SLC5A1: variants seen among roughly 807,000 people sequenced by gnomAD.
SLC5A1 encodes the protein solute carrier family 5 member 1, also known as sodium/glucose cotransporter 1.
In SLC5A1, 42 loss-of-function variants were observed where a neutral mutation model predicts 73.5. The ratio of observed to expected loss-of-function variants is 0.57; its 90% CI spans 0.45 to 0.74. SLC5A1 has a LOEUF of 0.74. SLC5A1 is among the 30% of genes least tolerant of loss of function. The pLI is 0.00. For missense variants in SLC5A1, 634 were observed against 855.4 expected (o/e 0.74, Z 3.23); for synonymous variants, 300 against 317.4 (o/e 0.95, Z 0.58).
At chr22:32,045,217 CCAGA>C (rs2093935622) in intron 1 of SLC5A1, among the ~76,000 whole-genome samples, 1 of 152,180 alleles carries the variant, frequency 6.6e-6, no homozygotes, top group Admixed American at 6.5e-5. Flanking sequence ...TGCCTGTTTC[CCAGA>C]CAATCTCTGA....
chr22:32,051,047 A>G (rs761286244), intron 2 of SLC5A1, among the ~76,000 whole-genome samples: 1 of 152,180 alleles, frequency 6.6e-6, no homozygotes, highest in Non-Finnish European at 1.5e-5. Flanking sequence ...CACTCTTTGG[A>G]TATTGGCAGC....
rs1299109861 is a variant in SLC5A1 at position 32,099,902 on chromosome 22, T to C, written c.1449+551T>C. On this transcript the variant is annotated intron_variant, in intron 12 of 14. Coordinates refer to ENST00000266088, the MANE Select transcript of SLC5A1 (RefSeq NM_000343.4). Reference sequence around the variant, plus strand: ...AAAGTCCTGGTGCACAAGCAGTTTATACATAAAACAAAGTGCGTAAGAAGT... The same window carrying C: ...AAAGTCCTGGTGCACAAGCAGTTTACACATAAAACAAAGTGCGTAAGAAGT... Among the ~76,000 whole-genome samples the C allele has an allele frequency of 2.0e-5, 3 of 152,208 alleles. No individual in the cohort carries two copies. The East Asian group carries it at 5.8e-4, about 29-fold the overall frequency.
chr22:32,047,600 T>C (rs1220089598), intron 1 of SLC5A1, among the ~76,000 whole-genome samples: 3 of 152,188 alleles, frequency 2.0e-5, no homozygotes, highest in Non-Finnish European at 4.4e-5. Flanking sequence ...ACCCAAGCCA[T>C]GCTCTCCCGG....
chr22:32,048,600 G>A (rs998297255), intron 1 of SLC5A1, among the ~76,000 whole-genome samples: 1 of 152,144 alleles, frequency 6.6e-6, no homozygotes, highest in African/African-American at 2.4e-5. Flanking sequence ...TCCACGCTGG[G>A]TGAGGTTCCA....
chr22:32,087,822 G>C (rs369244733), intron 10 of SLC5A1, among the ~76,000 whole-genome samples: 2 of 152,098 alleles, frequency 1.3e-5, no homozygotes, highest in Non-Finnish European at 2.9e-5. Context: ...TTAGAGACTA[G>C]TCAAATTCTT....
intron 1 of SLC5A1, among the ~76,000 whole-genome samples, chr22:32,044,038 G>A (rs1282116799): frequency 6.6e-6 from 1 of 151,758 alleles, no homozygotes; most frequent in Non-Finnish European, 1.5e-5. Flanking sequence ...CTGGCACTGG[G>A]GAGAGGGAAA....
At chr22:32,057,917 T>G (rs2093954245) in intron 2 of SLC5A1, among the ~76,000 whole-genome samples, 1 of 152,216 alleles carries the variant, frequency 6.6e-6, no homozygotes, top group African/African-American at 2.4e-5. Flanking sequence ...CAGGCTCTGC[T>G]AGTGAATCTG....
chr22:32,058,921 G>A (rs538175417), intron 2 of SLC5A1, among the ~76,000 whole-genome samples: 8 of 152,300 alleles, frequency 5.3e-5, no homozygotes, highest in African/African-American at 1.9e-4. Context: ...CCTGAGAAGA[G>A]TCCTGACTCC....
chr22:32,056,991 AG>A (rs1017509742), intron 2 of SLC5A1, among the ~76,000 whole-genome samples: 3 of 152,180 alleles, frequency 2.0e-5, no homozygotes, highest in African/African-American at 7.2e-5. Flanking sequence ...AATACCCTTT[AG>A]GGTAGGCCAA....
intron 2 of SLC5A1, among the ~76,000 whole-genome samples, chr22:32,053,479 T>G (rs1435884843): frequency 6.6e-6 from 1 of 152,022 alleles, no homozygotes; most frequent in Non-Finnish European, 1.5e-5. Context: ...TAGCTTAGTC[T>G]CTCCTCTAAG....
At chr22:32,045,434 T>C (rs1166402175) in intron 1 of SLC5A1, among the ~76,000 whole-genome samples, 2 of 152,234 alleles carry the variant, frequency 1.3e-5, no homozygotes, top group Non-Finnish European at 2.9e-5. Context: ...GGTCATTTAA[T>C]GCATTGGATT....
rs2093976417 is a variant in SLC5A1 at position 32,067,851 on chromosome 22, C to G, written c.313-116C>G. ...AAAGGCCTCCTGCAGTCTCTAACGG[C>G]TCCTTAGGGGAGAACATGCTGGGTA... On this transcript the variant is annotated intron_variant, in intron 3 of 14. Transcript: ENST00000266088. 14 of 1,056,192 alleles carry G rather than the reference C, an allele frequency of 1.3e-5. 2 individuals are homozygous for G. Among genetic ancestry groups the G allele is most frequent in the African/African-American group, 1.2e-4 (8 of 64,212 alleles). The allele number at this position is 1,056,192 out of a possible 1,614,324, so 65.4% of individuals were successfully genotyped here.
Position 32,054,719 on chromosome 22 carries a change from C to A in SLC5A1, c.207+4705C>A, listed in dbSNP as rs7289940. Among the ~76,000 whole-genome samples, 1,226 of 152,294 alleles carry A rather than the reference C, an allele frequency of 8.1e-3. 16 individuals carry two copies. The highest frequency in any genetic ancestry group is 0.028 in the African/African-American group (1,156 of 41,556). ...ACAGGGTCTCACTCTGTTGCCCAGT[C>A]TGGAGTGCAGTGGTGCAATCTTGAC... is the stretch of plus-strand genomic sequence containing the variant. On this transcript the variant is annotated intron_variant, in intron 2 of 14. Transcript: ENST00000266088.
At chr22:32,085,118 C>T in intron 9 of SLC5A1, 83 bp downstream of exon 9, 5 of 1,545,316 alleles carry the variant, frequency 3.2e-6, no homozygotes, top group Middle Eastern at 3.4e-4. Flanking sequence ...CTTCCCGCTT[C>T]CTCCTCTTTT....
At chr22:32,086,379 G>C in intron 10 of SLC5A1, 52 bp downstream of exon 10, 1 of 1,213,500 alleles carries the variant, frequency 8.2e-7, no homozygotes, top group Non-Finnish European at 1.2e-6. Flanking sequence ...AGGCTGATTG[G>C]GTTTAGGCAC....
At chr22:32,080,036 A>G (rs1266928407) in intron 5 of SLC5A1, among the ~76,000 whole-genome samples, 2 of 152,170 alleles carry the variant, frequency 1.3e-5, no homozygotes, top group Non-Finnish European at 2.9e-5. Flanking sequence ...CTTCCTGCAT[A>G]AACACGAGGA....
intron 1 of SLC5A1, among the ~76,000 whole-genome samples, chr22:32,048,532 T>G (rs2093940093): frequency 6.6e-6 from 1 of 152,210 alleles, no homozygotes; most frequent in African/African-American, 2.4e-5. Flanking sequence ...CACCACTCTC[T>G]CCATTCAAAT....
intron 5 of SLC5A1, among the ~76,000 whole-genome samples, chr22:32,071,591 G>A (rs1486144798): frequency 1.3e-5 from 2 of 152,122 alleles, no homozygotes; most frequent in Non-Finnish European, 2.9e-5. Context: ...ATAGGGAGTA[G>A]CTCCAGCTTT....
At chr22:32,083,857 T>C (rs2094003791) in intron 7 of SLC5A1, among the ~76,000 whole-genome samples, 1 of 152,186 alleles carries the variant, frequency 6.6e-6, no homozygotes, top group African/African-American at 2.4e-5. Flanking sequence ...TTCATTTGGT[T>C]CTCCCCAGCA....
Sources: allele counts gnomAD v4.1 joint callset (sites outside exome capture counted in the v4.1 genomes callset), GRCh38; gene constraint gnomAD v4.1.1; transcripts MANE v1.5; gene names NCBI Gene and HGNC (gene_info 2026-07-23, HGNC 2026-07-21).